Variants in ADGRL3 observed in about 807,000 individuals in gnomAD.
The protein encoded by ADGRL3 is calcium-independent alpha-latrotoxin receptor 3.
ADGRL3 carries 62 observed loss-of-function variants against 153.5 expected under a neutral mutation model. The observed-to-expected ratio is 0.40, with a 90% CI of 0.33 to 0.50. The LOEUF is 0.50. ADGRL3 is among the 20% of genes least tolerant of loss of function. The probability of loss-of-function intolerance (pLI) is 0.47; values close to 1 mark genes in which losing one functional copy is unlikely to be tolerated. For synonymous variants in ADGRL3, 710 were observed against 672.5 expected (o/e 1.06, Z -0.86); for missense variants, 1,641 against 1,859.4 (o/e 0.88, Z 2.16).
intron 2 of ADGRL3, among the ~76,000 whole-genome samples, chr4:61,452,138 T>C (rs982965021): frequency 1.3e-5 from 2 of 152,288 alleles, no homozygotes; most frequent in African/African-American, 2.4e-5. Context: ...CAATCAAGGA[T>C]GTGATATGCT....
At chr4:61,549,135 G>C (rs1285717901) in intron 4 of ADGRL3, among the ~76,000 whole-genome samples, 1 of 151,882 alleles carries the variant, frequency 6.6e-6, no homozygotes, top group Non-Finnish European at 1.5e-5. Context: ...TTGGCTCTCA[G>C]CTTGAATGTT....
chr4:61,844,575 A>AAAAAACATAT (rs1554045137), intron 9 of ADGRL3, among the ~76,000 whole-genome samples: 1 of 18,096 alleles, frequency 5.5e-5, no homozygotes, highest in Non-Finnish European at 8.4e-5. Flanking sequence ...AAAAAAAAAA[A>AAAAAACATAT]ATATATATAT....
intron 3 of ADGRL3, among the ~76,000 whole-genome samples, chr4:61,499,622 T>C (rs1235155809): frequency 2.0e-5 from 3 of 152,178 alleles, no homozygotes; most frequent in Admixed American, 2.0e-4. Context: ...TCCTTCATCA[T>C]ATAATCTATC....
intron 1 of ADGRL3, among the ~76,000 whole-genome samples, chr4:61,372,188 G>A (rs1399001358): frequency 6.6e-6 from 1 of 151,988 alleles, no homozygotes; most frequent in Non-Finnish European, 1.5e-5. Context: ...TCCTCCCGTA[G>A]CTCAGAGTAA....
chr4:61,289,945 G>T (rs2094108820), intron 1 of ADGRL3, among the ~76,000 whole-genome samples: 1 of 152,012 alleles, frequency 6.6e-6, no homozygotes, highest in Non-Finnish European at 1.5e-5. Context: ...CTTAAATTAT[G>T]GTAAGCACTT....
chr4:61,703,149 AT>A (rs2095798402), intron 6 of ADGRL3, among the ~76,000 whole-genome samples: 1 of 152,112 alleles, frequency 6.6e-6, no homozygotes, highest in African/African-American at 2.4e-5. Flanking sequence ...TCCTTAAGTA[AT>A]TTACGTAAAT....
intron 8 of ADGRL3, among the ~76,000 whole-genome samples, chr4:61,783,326 T>G (rs895283652): frequency 1.3e-5 from 2 of 152,086 alleles, no homozygotes; most frequent in African/African-American, 2.4e-5. Context: ...CCTGGGTGAT[T>G]CAGTATGTAT....
chr4:61,384,997 C>T (rs1297339903), intron 2 of ADGRL3, among the ~76,000 whole-genome samples: 1 of 152,018 alleles, frequency 6.6e-6, no homozygotes, highest in Non-Finnish European at 1.5e-5. Context: ...GATAGCTGCA[C>T]AACTTAGTGA....
At chr4:61,653,170 TCACACACACACACACACA>T (rs34273823) in intron 5 of ADGRL3, among the ~76,000 whole-genome samples, 1 of 90,966 alleles carries the variant, frequency 1.1e-5, no homozygotes, top group South Asian at 3.3e-4. Context: ...TCTCTCTCTC[TCACACACACACACACACA>T]CACACACACA....
chr4:61,682,459 G>A (rs1365253594), intron 6 of ADGRL3, among the ~76,000 whole-genome samples: 1 of 151,622 alleles, frequency 6.6e-6, no homozygotes, highest in African/African-American at 2.4e-5. Context: ...ATTAAACCCT[G>A]CTTATATGCC....
chr4:61,958,557 G>A (rs1429356043), intron 17 of ADGRL3, among the ~76,000 whole-genome samples: 1 of 152,122 alleles, frequency 6.6e-6, no homozygotes, highest in Non-Finnish European at 1.5e-5. Flanking sequence ...CATGCCTGGG[G>A]AGGCCTCAGG....
At chr4:61,750,796 G>GA (rs34825890) in intron 8 of ADGRL3, among the ~76,000 whole-genome samples, 169 of 121,954 alleles carry the variant, frequency 1.4e-3, no homozygotes, top group South Asian at 2.3e-3. Flanking sequence ...TCTCAAAAAA[G>GA]AAAAAAAAAA....
chr4:61,345,731 A>G (rs7659954), intron 1 of ADGRL3, among the ~76,000 whole-genome samples: 29,683 of 152,184 alleles, frequency 0.2, 3,099 homozygotes, highest in African/African-American at 0.26. Context: ...AAAATGTTCA[A>G]TATTTTGATA....
intron 1 of ADGRL3, among the ~76,000 whole-genome samples, chr4:61,372,986 A>G (rs2096556690): frequency 6.6e-6 from 1 of 152,032 alleles, no homozygotes; most frequent in African/African-American, 2.4e-5. Context: ...GAGTGACCCG[A>G]TTCTCCAGGT....
intron 8 of ADGRL3, among the ~76,000 whole-genome samples, chr4:61,754,893 G>A (rs1049891052): frequency 6.6e-6 from 1 of 151,960 alleles, no homozygotes; most frequent in Non-Finnish European, 1.5e-5. Flanking sequence ...TCTTGCGATA[G>A]TTTGCTGAGA....
chr4:61,832,330 T>C (rs1449091109), intron 9 of ADGRL3, among the ~76,000 whole-genome samples: 1 of 152,216 alleles, frequency 6.6e-6, no homozygotes, highest in Non-Finnish European at 1.5e-5. Flanking sequence ...CCAGGTAATC[T>C]CTTGGAGCTG....
Position 61,998,484 on chromosome 4 carries a change from A to G in ADGRL3, c.3395+219A>G, listed in dbSNP as rs562948291. Among the ~76,000 whole-genome samples the G allele has an allele frequency of 2.5e-3, 385 of 152,114 alleles. 10 individuals are homozygous for G. Among genetic ancestry groups the G allele is most frequent in the Admixed American group, 0.023 (353 of 15,274 alleles). On this transcript the variant is annotated intron_variant, in intron 21 of 26. Coordinates refer to ENST00000683033, the MANE Select transcript of ADGRL3 (RefSeq NM_001387552.1). ...AAAGACACTTTTTCTCCTAAATTCTAATTTGGAACATGATAAGTTTTAAAT... is the reference window on the plus strand; with the variant it reads ...AAAGACACTTTTTCTCCTAAATTCTGATTTGGAACATGATAAGTTTTAAAT...
chr4:61,631,326 A>T (rs1579963928), intron 5 of ADGRL3, among the ~76,000 whole-genome samples: 1 of 152,340 alleles, frequency 6.6e-6, no homozygotes, highest in Middle Eastern at 3.4e-3. Flanking sequence ...TAAACTTAGG[A>T]AAGCTGCATA....
chr4:61,561,380 C>A (rs2098794375), intron 4 of ADGRL3, among the ~76,000 whole-genome samples: 1 of 152,152 alleles, frequency 6.6e-6, no homozygotes, highest in Non-Finnish European at 1.5e-5. Context: ...CAAACTACAT[C>A]TCCTTTATAA....
Sources: allele counts gnomAD v4.1 joint callset (sites outside exome capture counted in the v4.1 genomes callset), GRCh38; gene constraint gnomAD v4.1.1; transcripts MANE v1.5; gene names NCBI Gene and HGNC (gene_info 2026-07-23, HGNC 2026-07-21).